Variants in SLC5A3 observed in about 807,000 individuals in gnomAD.
SLC5A3 encodes sodium/myo-inositol cotransporter.
In SLC5A3, 10 loss-of-function variants were observed where a neutral mutation model predicts 43.2. That is an observed-to-expected ratio of 0.23 (90% CI 0.14 to 0.39). The LOEUF is 0.39. Among genes scored for constraint, SLC5A3 ranks in the 10% least tolerant of loss-of-function variants. The pLI, the probability that SLC5A3 is intolerant of heterozygous loss-of-function variation, is 1.00. For missense variants in SLC5A3, 608 were observed against 893.4 expected, an observed-to-expected ratio of 0.68 and a Z score of 4.07; for synonymous variants, 349 against 322.0, an observed-to-expected ratio of 1.08 and a Z score of -0.90.
Position 34,095,693 on chromosome 21 carries a change from C to G in SLC5A3, c.495C>G (p.Leu165=). The change falls in exon 2 of 2, where the codon CTC becomes CTG. Residue 165 remains leucine, a synonymous_variant. Coordinates refer to ENST00000381151, the MANE Select transcript of SLC5A3 (RefSeq NM_006933.7). ...ATCTTTATGTGTCTGTCATCCTGCTCATTGGCATGACTGCTTTGCTGACTG... is the reference window on the plus strand; with the variant it reads ...ATCTTTATGTGTCTGTCATCCTGCTGATTGGCATGACTGCTTTGCTGACTG... ...GWNLYVSVIL[L]IGMTALLTVT... is the part of the protein sequence containing the mutation. 6.2e-7 allele frequency: 1 copy of G among 1,613,836 alleles called. No homozygotes were observed. The highest frequency in any genetic ancestry group is 8.5e-7 in the Non-Finnish European group (1 of 1,179,922).
At position 34,098,588 on chromosome 21, in the gene SLC5A3, T is replaced by C; in HGVS notation, c.*1233T>C. 2.0e-6 allele frequency: 2 copies of C among 1,000,286 alleles called. No individual in the cohort carries two copies. The highest frequency in any genetic ancestry group is 2.4e-6 in the Non-Finnish European group (2 of 830,004). 62.0% of individuals were successfully genotyped at this position (1,000,286 alleles called of 1,614,324 possible). On this transcript the variant is annotated 3_prime_UTR_variant, in exon 2 of 2. Transcript: ENST00000381151. ...GGTAACAGAAAACTCAGTGCATACT[T>C]TGCTGTTGTTAGGTTGTCAATATAG...
chr21:34,104,227 T>C lies in SLC5A3; in HGVS notation c.*6872T>C. 1 of 999,980 alleles carries C rather than the reference T, an allele frequency of 1.0e-6. No homozygotes were observed. The allele number at this position is 999,980 out of a possible 1,614,324, so 61.9% of individuals were successfully genotyped here. ...TCTGAAGCATATTTGCTAGAGGAGC[T>C]ACTTTGCTTTTCACAATGGGGTGGA... On this transcript the variant is annotated 3_prime_UTR_variant, in exon 2 of 2. Coordinates refer to ENST00000381151, the MANE Select transcript of SLC5A3 (RefSeq NM_006933.7).
chr21:34,092,344 TTTTG>T (rs1486957739), intron 1 of SLC5A3, among the ~76,000 whole-genome samples: 24 of 108,726 alleles, frequency 2.2e-4, no homozygotes, highest in Non-Finnish European at 7.4e-5. Flanking sequence ...TCTGCATGTG[TTTTG>T]TTTAAGTTGG....
rs1978967337 is a variant in SLC5A3, at chr21:34,096,402, G to A, written c.1204G>A (p.Ala402Thr). 13 of 1,614,206 alleles carry A rather than the reference G, an allele frequency of 8.1e-6. No individual in the cohort carries two copies. Among genetic ancestry groups the A allele is most frequent in the Non-Finnish European group, 1.0e-5 (12 of 1,180,026 alleles). The change falls in exon 2 of 2, where the codon GCA becomes ACA. Residue 402 changes from alanine to threonine, a missense_variant. By Grantham distance (58) the Ala-to-Thr change is moderately conservative. This residue lies in a region of SLC5A3 where 398 missense variants were observed against 668.6 expected (regional missense o/e 0.60). Transcript: ENST00000381151. This position sits in a 1 kb window ranked among gnomAD's most constrained non-coding sequence, Gnocchi z 5.9. ...TGTGTACAAACTTATCCGCAAGAGC[G>A]CAAGCTCCCGGGAGTTAATGATTGT... ...LDVYKLIRKS[A>T]SSRELMIVGR...
intron 1 of SLC5A3, among the ~76,000 whole-genome samples, chr21:34,081,293 TTCCATTC>T (rs1197924705): frequency 6.6e-6 from 1 of 152,164 alleles, no homozygotes; most frequent in Non-Finnish European, 1.5e-5. Context: ...AGGTCATCGA[TTCCATTC>T]TCCAAGTGCT....
Position 34,101,650 on chromosome 21 carries a change from T to C in SLC5A3, c.*4295T>C. ...TCAAATTTTGATTTTTTTGTCAGCTTAGTTCACTTTAAGGCATATTGGCAT... is the reference window on the plus strand; with the variant it reads ...TCAAATTTTGATTTTTTTGTCAGCTCAGTTCACTTTAAGGCATATTGGCAT... On this transcript the variant is annotated 3_prime_UTR_variant, in exon 2 of 2. Transcript: ENST00000381151. The C allele has an allele frequency of 4.0e-6, 4 of 1,000,220 alleles. No homozygotes were observed. The highest frequency in any genetic ancestry group is 3.6e-6 in the Non-Finnish European group (3 of 829,960). 62.0% of individuals were successfully genotyped at this position (1,000,220 alleles called of 1,614,324 possible). A position where few individuals can be genotyped will look rare whatever the true frequency, so the allele number is the denominator to read the frequency against.
chr21:34,080,626 A>G (rs891193786), intron 1 of SLC5A3, among the ~76,000 whole-genome samples: 4 of 152,220 alleles, frequency 2.6e-5, no homozygotes, highest in African/African-American at 7.2e-5. Context: ...CTTTGGTTGC[A>G]TGAATCTCAT....
rs149390427 is a variant in SLC5A3, at chr21:34,095,808, A to C, written c.610A>C (p.Ile204Leu). 5 of 1,613,996 alleles carry C rather than the reference A, an allele frequency of 3.1e-6. No individual in the cohort carries two copies. In the African/African-American group the frequency reaches 6.7e-5, roughly 22 times the overall value. ...IGALTLMIIS[I>L]MEIGGFEEVK... ...GGCACTTACACTTATGATTATTAGC[A>C]TAATGGAGATTGGCGGGTTTGAGGA... is the stretch of plus-strand genomic sequence containing the variant. The change falls in exon 2 of 2, where the codon ATA (isoleucine) becomes CTA (leucine). Residue 204 changes from isoleucine (I) to leucine (L), a missense_variant. This residue lies in a region of SLC5A3 where 398 missense variants were observed against 668.6 expected (regional missense o/e 0.60). Transcript: ENST00000381151.
In SLC5A3 at chr21:34,099,442, T is replaced by G. The variant is rs1405794522; in HGVS notation, c.*2087T>G. ...TCCTTTGGGACAACCTTTTGGTGTT[T>G]GGGAAAGTAATAAGATCTTGGATTT... is the stretch of plus-strand genomic sequence containing the variant. On this transcript the variant is annotated 3_prime_UTR_variant, in exon 2 of 2. Coordinates refer to ENST00000381151, the MANE Select transcript of SLC5A3 (RefSeq NM_006933.7). 4 of 1,000,062 alleles carry G rather than the reference T, an allele frequency of 4.0e-6. No individual in the cohort carries two copies. The East Asian group carries it at 3.4e-4, about 85-fold the overall frequency. The allele number at this position is 1,000,062 out of a possible 1,614,324, so 61.9% of individuals were successfully genotyped here.
At position 34,104,746 on chromosome 21, in the gene SLC5A3, G is replaced by T. The variant is rs976163848; in HGVS notation, c.*7391G>T. The T allele has an allele frequency of 1.6e-5, 16 of 1,000,110 alleles. No individual in the cohort carries two copies. In the Admixed American group the frequency reaches 3.1e-4, roughly 19 times the overall value. 62.0% of individuals were successfully genotyped at this position (1,000,110 alleles called of 1,614,324 possible). ...GAAGTGCAGGAAAGAGAAGTTTGAG[G>T]AACACCCTTGGCTTAGCAACATGTG... On this transcript the variant is annotated 3_prime_UTR_variant, in exon 2 of 2. Transcript: ENST00000381151.
chr21:34,098,874 TG>T lies in SLC5A3; in HGVS notation c.*1520del. The T allele has an allele frequency of 1.0e-6, 1 of 999,840 alleles. No homozygotes were observed. The highest frequency in any genetic ancestry group is 1.7e-5 in the African/African-American group (1 of 57,372). 61.9% of individuals were successfully genotyped at this position (999,840 alleles called of 1,614,324 possible). A position where few individuals can be genotyped will look rare whatever the true frequency, so the allele number is the denominator to read the frequency against. ...AAAGATGAAGGAAGCAAATTATGTA[TG>T]TACTTTCTTTGACCTTCTTTAATCT... is the stretch of plus-strand genomic sequence containing the variant. On this transcript the variant is annotated 3_prime_UTR_variant, in exon 2 of 2. Coordinates refer to ENST00000381151, the MANE Select transcript of SLC5A3 (RefSeq NM_006933.7).
intron 1 of SLC5A3, among the ~76,000 whole-genome samples, chr21:34,091,408 T>C (rs1299371953): frequency 2.0e-5 from 3 of 152,278 alleles, no homozygotes; most frequent in South Asian, 2.1e-4. Context: ...TGTTTACATA[T>C]AGTTCCAGAA....
Position 34,097,741 on chromosome 21 carries a change from A to T in SLC5A3, c.*386A>T. On this transcript the variant is annotated 3_prime_UTR_variant, in exon 2 of 2. Transcript: ENST00000381151. ...GAAGTAGAAGATTTGCTCATTTCTA[A>T]ATTTTTTTTTCTGTCTCTGTAATCC... The T allele has an allele frequency of 9.9e-7, 1 of 1,006,098 alleles. No individual in the cohort carries two copies. Among genetic ancestry groups the T allele is most frequent in the Non-Finnish European group, 1.2e-6 (1 of 834,146 alleles). The allele number at this position is 1,006,098 out of a possible 1,614,324, so 62.3% of individuals were successfully genotyped here. A position where few individuals can be genotyped will look rare whatever the true frequency, so the allele number is the denominator to read the frequency against.
chr21:34,101,899 A>G lies in SLC5A3; in HGVS notation c.*4544A>G, dbSNP rs1451085759. 5 of 1,000,102 alleles carry G rather than the reference A, an allele frequency of 5.0e-6. No individual in the cohort carries two copies. The African/African-American group carries it at 8.7e-5, about 17-fold the overall frequency. 62.0% of individuals were successfully genotyped at this position (1,000,102 alleles called of 1,614,324 possible). On this transcript the variant is annotated 3_prime_UTR_variant, in exon 2 of 2. Coordinates refer to ENST00000381151, the MANE Select transcript of SLC5A3 (RefSeq NM_006933.7). Reference sequence around the variant, plus strand: ...AGGGAGAGAGCAGTAGTGATCATTTATGTGAGCCCCTTTGAAATGATGGTG... The same window carrying G: ...AGGGAGAGAGCAGTAGTGATCATTTGTGTGAGCCCCTTTGAAATGATGGTG...
intron 1 of SLC5A3, among the ~76,000 whole-genome samples, chr21:34,094,237 G>C (rs975248324): frequency 6.6e-6 from 1 of 152,208 alleles, no homozygotes; most frequent in African/African-American, 2.4e-5. Flanking sequence ...AGGGCAGGGG[G>C]CGTCTCACAA....
At position 34,095,490 on chromosome 21, in the gene SLC5A3, A is replaced by G. The variant is rs1456301659; in HGVS notation, c.292A>G (p.Ile98Val). The change falls in exon 2 of 2, where the codon ATC becomes GTC. Residue 98 changes from isoleucine to valine, a missense_variant. Transcript: ENST00000381151. Reference protein sequence around the residue: ...LLLQLLGWVFIPIYIRSGVYT... With the variant: ...LLLQLLGWVFVPIYIRSGVYT... ...TTTACAACTTCTGGGATGGGTTTTC[A>G]TCCCAATTTACATCCGGTCAGGGGT... 1.2e-6 allele frequency: 2 copies of G among 1,614,032 alleles called. No homozygotes were observed. Among genetic ancestry groups the G allele is most frequent in the South Asian group, 1.1e-5 (1 of 91,084 alleles).
At chr21:34,079,811 T>C (rs978573299) in intron 1 of SLC5A3, among the ~76,000 whole-genome samples, 1 of 151,954 alleles carries the variant, frequency 6.6e-6, no homozygotes, top group East Asian at 1.9e-4. Context: ...CTCTGGCATT[T>C]TCTGTTCTCT....
At chr21:34,088,780 A>G (rs1446259210) in intron 1 of SLC5A3, among the ~76,000 whole-genome samples, 1 of 152,150 alleles carries the variant, frequency 6.6e-6, no homozygotes, top group Admixed American at 6.5e-5. Context: ...TAATAATTGT[A>G]CTTATCTCAT....
chr21:34,094,707 G>T (rs1037929282), intron 1 of SLC5A3, among the ~76,000 whole-genome samples, 156 bp from the exon 2 acceptor site: 10 of 151,130 alleles, frequency 6.6e-5, no homozygotes, highest in Admixed American at 6.0e-4. Flanking sequence ...CATATAGATT[G>T]CTCTTTCCTG....
Sources: gnomAD v4.1 joint callset for allele counts (sites outside exome capture counted in the v4.1 genomes callset) on GRCh38, gnomAD v4.1.1 for gene constraint, gnomAD v4.1.1 regional missense constraint, Gnocchi (gnomAD v3.1) non-coding constraint, MANE v1.5 for transcripts, NCBI Gene and HGNC (gene_info 2026-07-23, HGNC 2026-07-21) for gene names.